The following KLHL22 variants were observed in gnomAD, a reference collection of about 807,000 sequenced individuals.
KLHL22 encodes the protein kelch like family member 22.
A neutral mutation model predicts 60.7 loss-of-function variants in KLHL22; 18 were observed. The ratio of observed to expected loss-of-function variants is 0.30; its 90% CI spans 0.20 to 0.44. KLHL22 has a LOEUF of 0.44. Ranked by LOEUF, KLHL22 falls within the 20% of genes least tolerant of loss-of-function variation. The pLI is 1.00. For synonymous variants in KLHL22, 355 were observed against 354.5 expected (o/e 1.00, Z -0.01); for missense variants, 596 against 852.3 (o/e 0.70, Z 3.74).
chr22:20,446,391 C>T, intron 6 of KLHL22, 52 bp downstream of exon 6: 1 of 1,027,186 alleles, frequency 9.7e-7, no homozygotes, highest in South Asian at 1.3e-5. Flanking sequence ...TCAATAACAA[C>T]TGAGAGGCTT....
intron 1 of KLHL22, among the ~76,000 whole-genome samples, chr22:20,494,276 C>G (rs1032637165): frequency 1.3e-5 from 2 of 152,098 alleles, no homozygotes; most frequent in Non-Finnish European, 2.9e-5. Flanking sequence ...GGTGAGACAG[C>G]TTGGGGTTCA....
chr22:20,442,522 C>G, intron 6 of KLHL22, 84 bp from the exon 7 acceptor site: 1 of 1,459,044 alleles, frequency 6.9e-7, no homozygotes, highest in African/African-American at 1.4e-5. Context: ...ACCAAGGTGG[C>G]AACAGTTACC....
intron 5 of KLHL22, among the ~76,000 whole-genome samples, chr22:20,456,911 A>G (rs2053071447): frequency 6.6e-6 from 1 of 152,250 alleles, no homozygotes; most frequent in South Asian, 2.1e-4. Context: ...CAGTGCAGGT[A>G]GAACCTGCCC....
chr22:20,483,317 G>A (rs1179440360), intron 2 of KLHL22: 31 of 720,784 alleles, frequency 4.3e-5, no homozygotes, highest in Non-Finnish European at 6.9e-5. Context: ...AGCTCCTGTC[G>A]TTTCTTCCGA....
intron 4 of KLHL22, among the ~76,000 whole-genome samples, chr22:20,461,598 ATATTTCCATGACTTAAG>A (rs1310477874): frequency 6.7e-6 from 1 of 150,150 alleles, no homozygotes; most frequent in East Asian, 2.0e-4. Context: ...TTTTTCTTCT[ATATTTCCATGACTTAAG>A]TATTTTCATG....
intron 5 of KLHL22, chr22:20,451,244 C>T (rs542794542): frequency 6.2e-7 from 1 of 1,603,232 alleles, no homozygotes; most frequent in African/African-American, 1.3e-5. Context: ...GGAGCCACCA[C>T]CCTGGGAGAT....
rs182983894 is a variant in KLHL22, at chr22:20,444,260, A to C, written c.1540-1822T>G. 1.4e-3 allele frequency among the ~76,000 whole-genome samples: 213 copies of C among 152,270 alleles called. 1 individual carries two copies. The Middle Eastern group carries it at 0.031, about 22-fold the overall frequency. On this transcript the variant is annotated intron_variant, in intron 6 of 6. Transcript: ENST00000328879. ...CCAGGGACTGAATTCTTCTAACCAG[A>C]GTGAGCAGGGAGGCAGATCCCCACT...
intron 2 of KLHL22, among the ~76,000 whole-genome samples, chr22:20,486,695 T>C (rs2053591842): frequency 6.6e-6 from 1 of 152,050 alleles, no homozygotes; most frequent in Admixed American, 6.5e-5. Context: ...TTTTTTTTTT[T>C]TTTGAGACGG....
At chr22:20,450,517 A>T in intron 5 of KLHL22, 1 of 1,614,114 alleles carries the variant, frequency 6.2e-7, no homozygotes, top group Non-Finnish European at 8.5e-7. Context: ...GGACCCTTCT[A>T]ATTGCCTGGG....
At chr22:20,494,079 C>CT (rs1023519657) in intron 1 of KLHL22, among the ~76,000 whole-genome samples, 1 of 144,992 alleles carries the variant, frequency 6.9e-6, no homozygotes, top group African/African-American at 2.6e-5. Flanking sequence ...ACTTTGCCCC[C>CT]CCCCCAAAAA....
chr22:20,488,892 C>G, intron 2 of KLHL22, 93 bp downstream of exon 2: 1 of 1,227,964 alleles, frequency 8.1e-7, no homozygotes, highest in South Asian at 1.4e-5. Flanking sequence ...CTGAGGTGAG[C>G]AGGAGACCAG....
intron 6 of KLHL22, 52 bp from the exon 7 acceptor site, chr22:20,442,490 C>G: frequency 1.3e-6 from 2 of 1,507,110 alleles, no homozygotes; most frequent in Non-Finnish European, 1.8e-6. Flanking sequence ...ACGAGGCTGC[C>G]AGCTCCCCCA....
Position 20,442,220 on chromosome 22 carries a change from C to T in KLHL22, c.1758G>A (p.Leu586=), listed in dbSNP as rs1256095576. The T allele has an allele frequency of 4.4e-6, 7 of 1,606,136 alleles. No individual in the cohort carries two copies. Among genetic ancestry groups the T allele is most frequent in the South Asian group, 1.1e-5 (1 of 90,020 alleles). ...GPQLDNSISG[L]AACVLTLPRS... is the part of the protein sequence containing the mutation. ...GGGGCAGGGTGAGCACACAGGCCGC[C>T]AGGCCTGAGATGGAGTTGTCCAGCT... is the stretch of plus-strand genomic sequence containing the variant. Residue 586 remains leucine, a synonymous_variant, in exon 7 of 7, where the codon CTG becomes CTA. Coordinates refer to ENST00000328879, the MANE Select transcript of KLHL22 (RefSeq NM_032775.4).
At chr22:20,486,816 G>A (rs1180485967) in intron 2 of KLHL22, among the ~76,000 whole-genome samples, 2 of 151,796 alleles carry the variant, frequency 1.3e-5, no homozygotes, top group African/African-American at 4.8e-5. Context: ...TGAGTAGCTG[G>A]GATTACAGGC....
chr22:20,453,282 G>A (rs73156950), intron 5 of KLHL22, among the ~76,000 whole-genome samples: 1 of 151,146 alleles, frequency 6.6e-6, no homozygotes, highest in Non-Finnish European at 1.5e-5. Context: ...AAGTTTTATG[G>A]TTTTACATTT....
At chr22:20,494,528 G>A (rs146491097) in intron 1 of KLHL22, among the ~76,000 whole-genome samples, 102 of 152,160 alleles carry the variant, frequency 6.7e-4, no homozygotes, top group African/African-American at 2.3e-3. Flanking sequence ...TTACAAGCAC[G>A]TGTCACCACA....
chr22:20,462,679 T>C (rs1000641823), intron 4 of KLHL22, among the ~76,000 whole-genome samples: 2 of 152,040 alleles, frequency 1.3e-5, no homozygotes, highest in Non-Finnish European at 2.9e-5. Context: ...TTAAGTAGGG[T>C]CAGGGCACAT....
At chr22:20,475,708 C>A (rs556738096) in intron 2 of KLHL22, among the ~76,000 whole-genome samples, 1 of 152,214 alleles carries the variant, frequency 6.6e-6, no homozygotes, top group South Asian at 2.1e-4. Context: ...GGATTACAGG[C>A]ATGTACCACC....
intron 2 of KLHL22, among the ~76,000 whole-genome samples, chr22:20,487,384 A>ATT (rs35035626): frequency 2.2e-5 from 3 of 139,226 alleles, no homozygotes; most frequent in Non-Finnish European, 3.1e-5. Flanking sequence ...CACCCAGCTA[A>ATT]TTTTTTTTTT....
Sources: allele counts gnomAD v4.1 joint callset (sites outside exome capture counted in the v4.1 genomes callset), GRCh38; gene constraint gnomAD v4.1.1; transcripts MANE v1.5; gene names NCBI Gene and HGNC (gene_info 2026-07-23, HGNC 2026-07-21).